KCNMA1: variants seen among roughly 807,000 people sequenced by gnomAD.
KCNMA1 encodes the protein Calcium-activated potassium channel subunit alpha-1.
KCNMA1 carries 29 observed loss-of-function variants against 140.0 expected under a neutral mutation model. The ratio of observed to expected loss-of-function variants is 0.21; its 90% CI spans 0.15 to 0.28. The LOEUF is 0.28. Ranked by LOEUF, KCNMA1 falls within the 10% of genes least tolerant of loss-of-function variation. The pLI is 1.00. For missense variants in KCNMA1, 880 were observed against 1,602.2 expected, an observed-to-expected ratio of 0.55 and a Z score of 7.70; for synonymous variants, 612 against 611.9, an observed-to-expected ratio of 1.00 and a Z score of 0.00.
At chr10:77,455,142 T>C (rs1435332516) in intron 1 of KCNMA1, among the ~76,000 whole-genome samples, 1 of 152,214 alleles carries the variant, frequency 6.6e-6, no homozygotes, top group Admixed American at 6.5e-5. Context: ...TAAACAGATA[T>C]TTACTGAGTA....
At chr10:77,440,957 T>A (rs2154513165) in intron 1 of KCNMA1, among the ~76,000 whole-genome samples, 1 of 152,166 alleles carries the variant, frequency 6.6e-6, no homozygotes, top group Non-Finnish European at 1.5e-5. Context: ...TGGCTGGGAC[T>A]GCAGGCGCCA....
At chr10:76,949,601 T>A in intron 21 of KCNMA1, 1 of 561,262 alleles carries the variant, frequency 1.8e-6, no homozygotes, top group South Asian at 2.2e-5. Context: ...CCATACACAT[T>A]GCTACCTTCT....
chr10:77,161,140 G>T (rs139958676), intron 5 of KCNMA1, among the ~76,000 whole-genome samples: 2 of 152,126 alleles, frequency 1.3e-5, no homozygotes, highest in African/African-American at 4.8e-5. Context: ...GACAGATGTG[G>T]GATAAGGAAA....
chr10:76,919,484 T>C (rs909180396), intron 23 of KCNMA1, among the ~76,000 whole-genome samples: 1 of 152,194 alleles, frequency 6.6e-6, no homozygotes, highest in African/African-American at 2.4e-5. Flanking sequence ...ATGACAGATA[T>C]TCTCATTCTA....
At chr10:77,473,006 AC>A (rs1209027485) in intron 1 of KCNMA1, among the ~76,000 whole-genome samples, 4 of 152,194 alleles carry the variant, frequency 2.6e-5, no homozygotes, top group Admixed American at 2.0e-4. Flanking sequence ...GGGGCCACCC[AC>A]CAGGGTGCTG....
chr10:77,037,646 AC>A (rs1364675315), intron 15 of KCNMA1, among the ~76,000 whole-genome samples: 1 of 151,874 alleles, frequency 6.6e-6, no homozygotes, highest in Non-Finnish European at 1.5e-5. Context: ...GGCCAGGGAA[AC>A]CCTACAGCCA....
At chr10:77,081,450 G>A (rs555306838) in intron 12 of KCNMA1, among the ~76,000 whole-genome samples, 1 of 152,086 alleles carries the variant, frequency 6.6e-6, no homozygotes, top group African/African-American at 2.4e-5. Flanking sequence ...TCCACAGAAA[G>A]GCCCACCTCC....
intron 5 of KCNMA1, among the ~76,000 whole-genome samples, chr10:77,153,386 T>C (rs2154061834): frequency 6.6e-6 from 1 of 152,304 alleles, no homozygotes; most frequent in Admixed American, 6.5e-5. Flanking sequence ...TCTTTTTGTT[T>C]TTTGAGACAA....
At chr10:77,258,564 C>T (rs1399579681) in intron 2 of KCNMA1, among the ~76,000 whole-genome samples, 1 of 152,156 alleles carries the variant, frequency 6.6e-6, no homozygotes, top group African/African-American at 2.4e-5. Flanking sequence ...GACTGAGTCT[C>T]AGTGTTTTCC....
intron 2 of KCNMA1, among the ~76,000 whole-genome samples, chr10:77,390,321 A>C (rs2095769024): frequency 1.3e-5 from 2 of 152,214 alleles, no homozygotes; most frequent in South Asian, 4.1e-4. Flanking sequence ...TCCCATATCC[A>C]GAATTGATCT....
intron 2 of KCNMA1, among the ~76,000 whole-genome samples, chr10:77,395,208 G>A (rs1428545870): frequency 6.6e-6 from 1 of 152,072 alleles, no homozygotes; most frequent in South Asian, 2.1e-4. Flanking sequence ...AACATAGCAT[G>A]TCATGGTGGC....
intron 16 of KCNMA1, among the ~76,000 whole-genome samples, 169 bp downstream of exon 16, chr10:77,027,654 C>T (rs1222777923): frequency 6.6e-6 from 1 of 152,192 alleles, no homozygotes; most frequent in Non-Finnish European, 1.5e-5. Flanking sequence ...ATAGAAGCTG[C>T]AGTGTCTGAT....
rs192941223 is a variant in KCNMA1 at position 77,123,606 on chromosome 10, A to T, written c.809-2558T>A. Among the ~76,000 whole-genome samples the T allele has an allele frequency of 2.0e-5, 3 of 152,096 alleles. No homozygotes were observed. In the East Asian group the frequency reaches 5.8e-4, roughly 29 times the overall value. On this transcript the variant is annotated intron_variant, in intron 5 of 27. Transcript: ENST00000286628. ...CACTGAAACTATGAAAGATAACAAC[A>T]CTCTTCCATGTTCCTTGAGGGATAC... is the stretch of plus-strand genomic sequence containing the variant.
chr10:77,037,203 G>C (rs2094392423), intron 15 of KCNMA1, among the ~76,000 whole-genome samples: 1 of 152,180 alleles, frequency 6.6e-6, no homozygotes, highest in Non-Finnish European at 1.5e-5. Context: ...GTGGGTCAGG[G>C]TTGGCAAACT....
intron 1 of KCNMA1, among the ~76,000 whole-genome samples, chr10:77,496,831 G>A (rs966537486): frequency 3.3e-5 from 5 of 152,120 alleles, no homozygotes; most frequent in Non-Finnish European, 5.9e-5. Context: ...GGCTCCTGCT[G>A]TCACCTGGCT....
intron 2 of KCNMA1, among the ~76,000 whole-genome samples, chr10:77,302,955 G>A (rs1644859871): frequency 6.6e-6 from 1 of 152,010 alleles, no homozygotes; most frequent in Non-Finnish European, 1.5e-5. Context: ...GTTTCACTGG[G>A]GACTCACCTG....
intron 2 of KCNMA1, among the ~76,000 whole-genome samples, chr10:77,374,767 C>G (rs774667085): frequency 6.6e-6 from 1 of 152,196 alleles, no homozygotes; most frequent in Admixed American, 6.5e-5. Context: ...AGACATGAGT[C>G]CATTTTACCA....
intron 2 of KCNMA1, among the ~76,000 whole-genome samples, chr10:77,337,042 G>A (rs926786502): frequency 3.9e-5 from 6 of 152,180 alleles, no homozygotes; most frequent in Non-Finnish European, 8.8e-5. Context: ...GGACTAGTCA[G>A]TGCTGGGATG....
At position 77,480,955 on chromosome 10, in the gene KCNMA1, C is replaced by T. The variant is rs1023562702; in HGVS notation, c.379-76932G>A. On this transcript the variant is annotated intron_variant, in intron 1 of 27. Coordinates refer to ENST00000286628, the MANE Select transcript of KCNMA1 (RefSeq NM_001161352.2). ...TGAAATCCTGTCTCTACTAAAAATACAAAAAAAAAAAAAAAATAGCCGGAG... is the reference window on the plus strand; with the variant it reads ...TGAAATCCTGTCTCTACTAAAAATATAAAAAAAAAAAAAAAATAGCCGGAG... Among the ~76,000 whole-genome samples the T allele has an allele frequency of 7.3e-5, 9 of 122,924 alleles. No individual in the cohort carries two copies. The South Asian group carries it at 2.5e-3, about 34-fold the overall frequency. The allele number at this position is 122,924 out of a possible 152,430, so 80.6% of individuals were successfully genotyped here.
Sources: gnomAD v4.1 joint callset for allele counts (sites outside exome capture counted in the v4.1 genomes callset) on GRCh38, gnomAD v4.1.1 for gene constraint, MANE v1.5 for transcripts, NCBI Gene and HGNC (gene_info 2026-07-23, HGNC 2026-07-21) for gene names.